PPFIA2: variants seen among roughly 807,000 people sequenced by gnomAD.
PPFIA2 encodes the protein PPFI scaffold protein A2.
A neutral mutation model predicts 175.5 loss-of-function variants in PPFIA2; 46 were observed. That is an observed-to-expected ratio of 0.26 (90% CI 0.21 to 0.34). The LOEUF is 0.34. Among genes scored for constraint, PPFIA2 ranks in the 10% least tolerant of loss-of-function variants. PPFIA2 has a pLI of 1.00. For missense variants in PPFIA2, 1,179 were observed against 1,506.1 expected, an observed-to-expected ratio of 0.78 and a Z score of 3.60; for synonymous variants, 568 against 511.4, an observed-to-expected ratio of 1.11 and a Z score of -1.49.
Position 81,428,808 on chromosome 12 carries a change from A to G in PPFIA2, c.645+11164T>C, listed in dbSNP as rs376028705. 1.6e-4 allele frequency among the ~76,000 whole-genome samples: 25 copies of G among 152,178 alleles called. No individual in the cohort carries two copies. The East Asian group carries it at 2.7e-3, about 16-fold the overall frequency. Reference sequence around the variant, plus strand: ...TTCCAACAGGAATAATACGTTCCCAATAAGTGGGTCTTTTGGAATCTCACA... The same window carrying G: ...TTCCAACAGGAATAATACGTTCCCAGTAAGTGGGTCTTTTGGAATCTCACA... On this transcript the variant is annotated intron_variant, in intron 7 of 32. Coordinates refer to ENST00000549396, the MANE Select transcript of PPFIA2 (RefSeq NM_003625.5).
intron 3 of PPFIA2, among the ~76,000 whole-genome samples, chr12:81,734,990 G>C (rs2081383360): frequency 6.6e-6 from 1 of 151,756 alleles, no homozygotes; most frequent in Non-Finnish European, 1.5e-5. Flanking sequence ...TCTTGTTGTA[G>C]TGCTGATAGT....
intron 4 of PPFIA2, among the ~76,000 whole-genome samples, chr12:81,557,121 GC>G (rs1252253804): frequency 6.6e-6 from 1 of 151,108 alleles, no homozygotes; most frequent in African/African-American, 2.4e-5. Context: ...ATTCTTATAT[GC>G]TTTTACTGAA....
chr12:81,327,929 C>A (rs2055179989), intron 21 of PPFIA2, among the ~76,000 whole-genome samples: 1 of 152,074 alleles, frequency 6.6e-6, no homozygotes, highest in South Asian at 2.1e-4. Flanking sequence ...TGATAGATAA[C>A]TGGAACTACA....
Position 81,409,698 on chromosome 12 carries a change from A to G in PPFIA2, c.646-3795T>C, listed in dbSNP as rs117541251. On this transcript the variant is annotated intron_variant, in intron 7 of 32. Coordinates refer to ENST00000549396, the MANE Select transcript of PPFIA2 (RefSeq NM_003625.5). The stretch of plus-strand genomic sequence containing the variant: ...CTGTTATAGCAACACAAAACAGACT[A>G]AGACACTACTCCAAATATGATTACA... Among the ~76,000 whole-genome samples, 811 of 152,292 alleles carry G rather than the reference A, an allele frequency of 5.3e-3. 6 individuals carry two copies. The highest frequency in any genetic ancestry group is 9.2e-3 in the Non-Finnish European group (624 of 68,026).
chr12:81,557,211 A>T (rs944875077), intron 4 of PPFIA2, among the ~76,000 whole-genome samples: 5 of 151,792 alleles, frequency 3.3e-5, no homozygotes, highest in Non-Finnish European at 5.9e-5. Context: ...ACACACACAC[A>T]CACACGTATA....
intron 3 of PPFIA2, among the ~76,000 whole-genome samples, chr12:81,681,292 A>C (rs547387239): frequency 2.8e-4 from 43 of 152,148 alleles, no homozygotes; most frequent in African/African-American, 9.9e-4. Context: ...TTCCTCTCCA[A>C]GGTGTGAAAA....
At chr12:81,452,863 T>A (rs924902968) in intron 5 of PPFIA2, among the ~76,000 whole-genome samples, 3 of 152,198 alleles carry the variant, frequency 2.0e-5, no homozygotes, top group Admixed American at 1.3e-4. Context: ...TGCAATTATG[T>A]CTTCTTTTTA....
At chr12:81,668,380 A>G (rs973953445) in intron 4 of PPFIA2, among the ~76,000 whole-genome samples, 10 of 151,940 alleles carry the variant, frequency 6.6e-5, no homozygotes, top group Non-Finnish European at 1.3e-4. Context: ...CCAGACTTCT[A>G]CCTCCCAAAT....
At chr12:81,494,608 G>A (rs1324935442) in intron 4 of PPFIA2, among the ~76,000 whole-genome samples, 1 of 151,786 alleles carries the variant, frequency 6.6e-6, no homozygotes, top group Admixed American at 6.6e-5. Flanking sequence ...ATACCCAAAG[G>A]ACTATAAATC....
In PPFIA2 at chr12:81,455,838, A is replaced by G. The variant is rs2053482658; in HGVS notation, c.405+1927T>C. On this transcript the variant is annotated intron_variant, in intron 5 of 32. Coordinates refer to ENST00000549396, the MANE Select transcript of PPFIA2 (RefSeq NM_003625.5). ...TTACCTTTCAAATTCATTCTTTGCT[A>G]TTTACTAACTGTGTGACTTCTGGCA... 3.3e-5 allele frequency among the ~76,000 whole-genome samples: 5 copies of G among 152,068 alleles called. No homozygotes were observed. The South Asian group carries it at 6.2e-4, about 19-fold the overall frequency.
At chr12:81,705,083 T>TTAA (rs1389671031) in intron 3 of PPFIA2, among the ~76,000 whole-genome samples, 1 of 32,356 alleles carries the variant, frequency 3.1e-5, no homozygotes, top group Non-Finnish European at 5.1e-5. Context: ...AAACTCTGTC[T>TTAA]AAAAAAAAAA....
intron 15 of PPFIA2, among the ~76,000 whole-genome samples, chr12:81,358,848 A>G (rs975484917): frequency 2.6e-5 from 4 of 152,100 alleles, no homozygotes; most frequent in African/African-American, 9.7e-5. Flanking sequence ...TTAATAAGAC[A>G]TTGTTTCAAA....
chr12:81,294,310 C>A (rs1199706676), intron 24 of PPFIA2, among the ~76,000 whole-genome samples: 2 of 151,954 alleles, frequency 1.3e-5, no homozygotes, highest in Admixed American at 1.3e-4. Flanking sequence ...AATATTAAAA[C>A]TAAAAAATGT....
intron 3 of PPFIA2, among the ~76,000 whole-genome samples, chr12:81,741,399 C>T (rs186658182): frequency 1.0e-3 from 158 of 152,028 alleles, no homozygotes; most frequent in African/African-American, 3.8e-3. Flanking sequence ...GGAGAATGTA[C>T]ACAACAAGAA....
At chr12:81,712,792 G>GCTTT (rs1006964089) in intron 3 of PPFIA2, among the ~76,000 whole-genome samples, 7 of 148,176 alleles carry the variant, frequency 4.7e-5, no homozygotes, top group African/African-American at 1.7e-4. Flanking sequence ...AGACTCTTAC[G>GCTTT]CTTTCAATTG....
intron 3 of PPFIA2, among the ~76,000 whole-genome samples, chr12:81,731,019 C>G (rs2080827243): frequency 6.6e-6 from 1 of 151,584 alleles, no homozygotes. Context: ...CTCTGTTGCT[C>G]CTGCCATCCT....
Position 81,676,839 on chromosome 12 carries a change from G to T in PPFIA2, c.255C>A (p.Ile85=), listed in dbSNP as rs767952245. The change falls in exon 4 of 33, where the codon ATC becomes ATA. Residue 85 remains isoleucine (I), a synonymous_variant. Coordinates refer to ENST00000549396, the MANE Select transcript of PPFIA2 (RefSeq NM_003625.5). ...RQLNSALPQD[I]ESLTGGLAGS... ...CAGCCAGCCCTCCTGTTAGGGATTC[G>T]ATATCCTGAAAAGGGGAGAGGTGTT... is the stretch of plus-strand genomic sequence containing the variant. 8 of 1,565,136 alleles carry T rather than the reference G, an allele frequency of 5.1e-6. No individual in the cohort carries two copies. The highest frequency in any genetic ancestry group is 6.1e-6 in the Non-Finnish European group (7 of 1,156,336).
At chr12:81,611,698 G>A in intron 4 of PPFIA2, among the ~76,000 whole-genome samples, 1 of 152,090 alleles carries the variant, frequency 6.6e-6, no homozygotes, top group East Asian at 1.9e-4. Context: ...AGTCAGCTGG[G>A]GCCAATGCCT....
At chr12:81,601,970 C>G (rs2059839068) in intron 4 of PPFIA2, among the ~76,000 whole-genome samples, 1 of 151,770 alleles carries the variant, frequency 6.6e-6, no homozygotes. Context: ...CCCTTTTATT[C>G]CTTCAACTTT....
Sources: gnomAD v4.1 joint callset for allele counts (sites outside exome capture counted in the v4.1 genomes callset) on GRCh38, gnomAD v4.1.1 for gene constraint, MANE v1.5 for transcripts, NCBI Gene and HGNC (gene_info 2026-07-23, HGNC 2026-07-21) for gene names.